SIK3: variants seen among roughly 807,000 people sequenced by gnomAD.
SIK3 encodes the protein SIK family kinase 3.
Under a neutral mutation model 144.2 loss-of-function variants are expected in SIK3, and 28 were observed. That is an observed-to-expected ratio of 0.19 (90% CI 0.14 to 0.27). The LOEUF is 0.27. SIK3 is among the 10% of genes least tolerant of loss of function. The pLI is 1.00. For synonymous variants in SIK3, 686 were observed against 676.3 expected, an observed-to-expected ratio of 1.01 and a Z score of -0.22; for missense variants, 1,319 against 1,776.0, an observed-to-expected ratio of 0.74 and a Z score of 4.62.
At chr11:116,997,150 A>G (rs1950697875) in intron 1 of SIK3, among the ~76,000 whole-genome samples, 1 of 152,200 alleles carries the variant, frequency 6.6e-6, no homozygotes, top group South Asian at 2.1e-4. Flanking sequence ...TACCTCTTTA[A>G]GATATCTTCA....
chr11:116,900,172 C>T (rs1249936166), intron 4 of SIK3, among the ~76,000 whole-genome samples: 1 of 152,168 alleles, frequency 6.6e-6, no homozygotes, highest in Non-Finnish European at 1.5e-5. Flanking sequence ...CAAAGTCATA[C>T]CTGCGCTTTC....
chr11:116,982,507 C>T (rs888434597), intron 1 of SIK3, among the ~76,000 whole-genome samples: 7 of 152,052 alleles, frequency 4.6e-5, no homozygotes, highest in Non-Finnish European at 7.4e-5. Flanking sequence ...CCAGGCTGGT[C>T]TTGAACTCCT....
intron 1 of SIK3, among the ~76,000 whole-genome samples, chr11:117,092,315 C>A (rs1161490646): frequency 6.6e-6 from 1 of 152,124 alleles, no homozygotes; most frequent in East Asian, 1.9e-4. Context: ...TGCCCCATGG[C>A]CTTTGCACAT....
At chr11:116,868,131 CA>C (rs1293775039) in intron 14 of SIK3, 42 bp from the exon 15 acceptor site, 1 of 1,549,760 alleles carries the variant, frequency 6.5e-7, no homozygotes. Context: ...AAAAGACAGA[CA>C]GGAATATTCC....
intron 1 of SIK3, among the ~76,000 whole-genome samples, chr11:116,997,360 G>A (rs1419413509): frequency 2.6e-5 from 4 of 152,162 alleles, no homozygotes; most frequent in African/African-American, 9.7e-5. Context: ...ACCCCAAACA[G>A]CTGACTTAGC....
intron 3 of SIK3, among the ~76,000 whole-genome samples, chr11:116,938,572 GGAGGGGAGGGGAGGA>G (rs1565475789): frequency 5.6e-5 from 1 of 17,758 alleles, no homozygotes; most frequent in Non-Finnish European, 9.9e-5. Context: ...GGAGGGGAGG[GGAGGGGAGGGGAGGA>G]GAGGAGAGGG....
chr11:117,001,109 A>G (rs1228300347), intron 1 of SIK3, among the ~76,000 whole-genome samples: 1 of 152,246 alleles, frequency 6.6e-6, no homozygotes, highest in Non-Finnish European at 1.5e-5. Context: ...GGGTGGGGCG[A>G]TAGCACGGAA....
chr11:116,967,339 C>T (rs771212396), intron 1 of SIK3, among the ~76,000 whole-genome samples: 1 of 152,222 alleles, frequency 6.6e-6, no homozygotes, highest in Non-Finnish European at 1.5e-5. Flanking sequence ...GAGAGCTGAA[C>T]TCAACTGCCG....
At chr11:116,874,162 T>C (rs1944121511) in intron 11 of SIK3, 106 bp from the exon 12 acceptor site, 2 of 1,154,704 alleles carry the variant, frequency 1.7e-6, no homozygotes, top group African/African-American at 1.6e-5. Flanking sequence ...CTTATTTTAT[T>C]TTCTTCCTGA....
At chr11:117,046,967 A>G (rs1457706601) in intron 1 of SIK3, among the ~76,000 whole-genome samples, 1 of 152,180 alleles carries the variant, frequency 6.6e-6, no homozygotes, top group Non-Finnish European at 1.5e-5. Context: ...CCCCCATCCT[A>G]TATTTTAAAA....
At chr11:117,035,792 T>G (rs372497096) in intron 1 of SIK3, 10 of 1,402,638 alleles carry the variant, frequency 7.1e-6, no homozygotes, top group East Asian at 2.3e-5. Context: ...TGATTCAGAG[T>G]GCTTTTAGTG....
intron 1 of SIK3, among the ~76,000 whole-genome samples, chr11:116,985,925 T>C (rs1292134624): frequency 2.6e-5 from 4 of 152,312 alleles, no homozygotes; most frequent in South Asian, 4.1e-4. Context: ...ATGCGGGCTA[T>C]TGGAAGAAAA....
At chr11:116,871,910 C>T (rs79849088) in intron 13 of SIK3, among the ~76,000 whole-genome samples, 3,200 of 152,212 alleles carry the variant, frequency 0.021, 47 homozygotes, top group Non-Finnish European at 0.034. Flanking sequence ...GAATAACCAA[C>T]TAAATCTATC....
At chr11:116,961,018 C>T (rs1478028375) in intron 1 of SIK3, among the ~76,000 whole-genome samples, 3 of 152,072 alleles carry the variant, frequency 2.0e-5, no homozygotes, top group South Asian at 2.1e-4. Flanking sequence ...AACTGGCTGC[C>T]GCCAGCTGAT....
intron 1 of SIK3, among the ~76,000 whole-genome samples, chr11:117,012,849 CTT>C (rs10652499): frequency 2.1e-5 from 2 of 96,052 alleles, no homozygotes; most frequent in Non-Finnish European, 1.9e-5. Flanking sequence ...GCCATTACTG[CTT>C]TTTTTTTTTT....
chr11:116,936,766 C>T (rs1947942079), intron 3 of SIK3, among the ~76,000 whole-genome samples: 1 of 152,186 alleles, frequency 6.6e-6, no homozygotes, highest in South Asian at 2.1e-4. Context: ...TAACTTAGAA[C>T]TTTTCAACAA....
chr11:116,928,492 AAC>A (rs1298851517), intron 3 of SIK3, among the ~76,000 whole-genome samples: 2 of 152,232 alleles, frequency 1.3e-5, no homozygotes, highest in Non-Finnish European at 2.9e-5. Context: ...GTGATTTATC[AAC>A]AGTTTTGGTA....
chr11:117,090,459 T>C (rs1032397104), intron 1 of SIK3, among the ~76,000 whole-genome samples: 3 of 151,912 alleles, frequency 2.0e-5, no homozygotes, highest in Non-Finnish European at 1.5e-5. Flanking sequence ...AAGGTATATA[T>C]CTAGATGACC....
intron 3 of SIK3, among the ~76,000 whole-genome samples, chr11:116,932,747 T>C (rs887273899): frequency 2.0e-5 from 3 of 152,218 alleles, no homozygotes; most frequent in Non-Finnish European, 4.4e-5. Flanking sequence ...TTAAGAACAC[T>C]ATATAAACAG....
Sources: gnomAD v4.1 joint callset for allele counts (sites outside exome capture counted in the v4.1 genomes callset) on GRCh38, gnomAD v4.1.1 for gene constraint, MANE v1.5 for transcripts, NCBI Gene and HGNC (gene_info 2026-07-23, HGNC 2026-07-21) for gene names.